Variants in ITGAV observed in about 807,000 individuals in gnomAD.
The protein encoded by ITGAV is integrin alpha-V.
In ITGAV, 76 loss-of-function variants were observed where a neutral mutation model predicts 143.8. The ratio of observed to expected loss-of-function variants is 0.53; its 90% confidence interval spans 0.44 to 0.64. The LOEUF is 0.64. Ranked by LOEUF, ITGAV falls within the 30% of genes least tolerant of loss-of-function variation. The pLI, the probability that ITGAV is intolerant of heterozygous loss-of-function variation, is 0.00. For synonymous variants in ITGAV, 453 were observed against 446.7 expected (o/e 1.01, Z -0.18); for missense variants, 1,193 against 1,274.7 (o/e 0.94, Z 0.98).
At position 186,590,542 on chromosome 2, in the gene ITGAV, A is replaced by G. The variant is rs1686587765; in HGVS notation, c.185+19A>G. On this transcript the variant is annotated intron_variant, in intron 1 of 29. Coordinates refer to ENST00000261023, the MANE Select transcript of ITGAV (RefSeq NM_002210.5). ...CGTCTTCGTAAGTGGCCGCACTTGGAACTGGAGCCGGCCCCCTCCCCCACC... is the reference window on the plus strand; with the variant it reads ...CGTCTTCGTAAGTGGCCGCACTTGGGACTGGAGCCGGCCCCCTCCCCCACC... 6 of 1,606,534 alleles carry G rather than the reference A, an allele frequency of 3.7e-6. No individual in the cohort carries two copies. Among genetic ancestry groups the G allele is most frequent in the Non-Finnish European group, 5.1e-6 (6 of 1,176,806 alleles).
chr2:186,596,622 C>A (rs1686756261), intron 1 of ITGAV, among the ~76,000 whole-genome samples: 1 of 152,022 alleles, frequency 6.6e-6, no homozygotes, highest in Non-Finnish European at 1.5e-5. Context: ...TGGTTTTGAA[C>A]CCCTGACCTT....
chr2:186,606,203 A>G (rs1188884572), intron 2 of ITGAV, among the ~76,000 whole-genome samples: 1 of 152,130 alleles, frequency 6.6e-6, no homozygotes, highest in Non-Finnish European at 1.5e-5. Flanking sequence ...TCTTAGCCCA[A>G]ACATATAAGC....
At chr2:186,609,273 C>T (rs780721991) in intron 2 of ITGAV, among the ~76,000 whole-genome samples, 6 of 152,116 alleles carry the variant, frequency 3.9e-5, no homozygotes, top group Non-Finnish European at 5.9e-5. Context: ...TTACCAGTGA[C>T]GTCCCTGGAT....
At chr2:186,594,987 AAT>A (rs1214626300) in intron 1 of ITGAV, among the ~76,000 whole-genome samples, 1 of 152,222 alleles carries the variant, frequency 6.6e-6, no homozygotes, top group Non-Finnish European at 1.5e-5. Flanking sequence ...GACAAGGGAA[AAT>A]ATGTGGAAAT....
intron 13 of ITGAV, 135 bp from the exon 14 acceptor site, chr2:186,649,705 A>T (rs547309413): frequency 3.3e-5 from 17 of 511,040 alleles, no homozygotes; most frequent in Non-Finnish European, 3.3e-5. Context: ...AGCCTTTTAT[A>T]TGATGTCTTA....
chr2:186,663,081 C>G (rs1688792096), intron 18 of ITGAV, among the ~76,000 whole-genome samples: 1 of 151,986 alleles, frequency 6.6e-6, no homozygotes, highest in Admixed American at 6.6e-5. Flanking sequence ...TTGGGTGTTT[C>G]CATTTTGCTC....
At chr2:186,601,649 A>T (rs1474256272) in intron 1 of ITGAV, among the ~76,000 whole-genome samples, 1 of 152,034 alleles carries the variant, frequency 6.6e-6, no homozygotes, top group Non-Finnish European at 1.5e-5. Context: ...ATGCACACAC[A>T]CACACACCAG....
intron 2 of ITGAV, among the ~76,000 whole-genome samples, chr2:186,611,689 T>C (rs1021526621): frequency 6.6e-6 from 1 of 152,178 alleles, no homozygotes; most frequent in African/African-American, 2.4e-5. Flanking sequence ...AACTGTGACG[T>C]TGGGCAAGCA....
At chr2:186,661,592 GT>G (rs1163934058) in intron 18 of ITGAV, among the ~76,000 whole-genome samples, 1 of 91,032 alleles carries the variant, frequency 1.1e-5, no homozygotes, top group Non-Finnish European at 2.0e-5. Flanking sequence ...AGTTTTTTTT[GT>G]TTTTGTTTTT....
In ITGAV at chr2:186,638,437, C is replaced by T. The variant is rs1688007960; in HGVS notation, c.875C>T (p.Ser292Phe). ...MVYIYDGKNM[S>F]SLYNFTGEQM... ...TATATTTATGATGGGAAGAACATGTCCTCCTTATACAATTTTACTGGCGAG... is the reference window on the plus strand; with the variant it reads ...TATATTTATGATGGGAAGAACATGTTCTCCTTATACAATTTTACTGGCGAG... The change falls in exon 10 of 30, where the codon TCC becomes TTC. Residue 292 changes from serine to phenylalanine, a missense_variant. Physicochemically the swap from Ser to Phe is radical, Grantham distance 155. Coordinates refer to ENST00000261023, the MANE Select transcript of ITGAV (RefSeq NM_002210.5). The T allele has an allele frequency of 6.2e-7, 1 of 1,611,304 alleles. No individual in the cohort carries two copies. Among genetic ancestry groups the T allele is most frequent in the Non-Finnish European group, 8.5e-7 (1 of 1,178,554 alleles).
intron 2 of ITGAV, among the ~76,000 whole-genome samples, chr2:186,621,515 T>C (rs1677811031): frequency 6.6e-6 from 1 of 152,188 alleles, no homozygotes; most frequent in African/African-American, 2.4e-5. Context: ...CCCAATAAAG[T>C]CCTTTGTAAC....
intron 10 of ITGAV, among the ~76,000 whole-genome samples, chr2:186,638,670 GTA>G (rs1553502368): frequency 0.014 from 1,859 of 136,274 alleles, 44 homozygotes; most frequent in African/African-American, 0.047. Flanking sequence ...GTGTGTGTGT[GTA>G]GTATATAAAC....
At position 186,656,322 on chromosome 2, in the gene ITGAV, G is replaced by C. The variant is rs1400788388; in HGVS notation, c.1640G>C (p.Arg547Thr). The C allele has an allele frequency of 1.0e-5, 16 of 1,583,562 alleles. No homozygotes were observed. The highest frequency in any genetic ancestry group is 1.3e-5 in the Non-Finnish European group (15 of 1,168,780). The change falls in exon 17 of 30, where the codon AGG becomes ACG. Residue 547 changes from arginine (R) to threonine (T), a missense_variant. Physicochemically the swap from Arg to Thr is moderately conservative, Grantham distance 71 (BLOSUM62 -1). Transcript: ENST00000261023. ...AIRRALFLYS[R>T]SPSHSKNMTI... The stretch of plus-strand genomic sequence containing the variant: ...CGACGAGCACTGTTTCTCTACAGCA[G>C]GTCCCCAAGTCACTCCAAGAACATG...
At chr2:186,676,510 A>G (rs1460802524) in intron 28 of ITGAV, among the ~76,000 whole-genome samples, 5 of 152,138 alleles carry the variant, frequency 3.3e-5, no homozygotes, top group Non-Finnish European at 7.4e-5. Flanking sequence ...AGGCTGAAGC[A>G]TGGAGGTTGC....
intron 17 of ITGAV, among the ~76,000 whole-genome samples, chr2:186,658,146 C>T (rs543723752): frequency 6.7e-4 from 102 of 152,070 alleles, no homozygotes; most frequent in African/African-American, 2.3e-3. Context: ...TGGATTTATC[C>T]TAGAGTGGGT....
chr2:186,603,719 G>T (rs561994100), intron 2 of ITGAV, among the ~76,000 whole-genome samples: 1 of 152,150 alleles, frequency 6.6e-6, no homozygotes, highest in Admixed American at 6.5e-5. Context: ...GTAGGTTTTT[G>T]TGCATTGCAA....
At chr2:186,630,042 A>G (rs1381673272) in intron 4 of ITGAV, among the ~76,000 whole-genome samples, 2 of 152,118 alleles carry the variant, frequency 1.3e-5, no homozygotes, top group Admixed American at 6.5e-5. Flanking sequence ...TGAAAGTATC[A>G]TTTAAAGATG....
In ITGAV at chr2:186,677,526, T is replaced by A; in HGVS notation, c.*234T>A. ...TTTTAGGTATTTAAATAATAAAATTTCAAGGGATAGTTTTTATTCAATGTA... is the reference window on the plus strand; with the variant it reads ...TTTTAGGTATTTAAATAATAAAATTACAAGGGATAGTTTTTATTCAATGTA... On this transcript the variant is annotated 3_prime_UTR_variant, in exon 30 of 30. Coordinates refer to ENST00000261023, the MANE Select transcript of ITGAV (RefSeq NM_002210.5). 2.4e-6 allele frequency: 1 copy of A among 411,472 alleles called. No homozygotes were observed. The highest frequency in any genetic ancestry group is 3.1e-5 in the South Asian group (1 of 31,960). 25.5% of individuals were successfully genotyped at this position (411,472 alleles called of 1,614,324 possible).
chr2:186,640,431 C>T (rs1688070025), intron 10 of ITGAV, among the ~76,000 whole-genome samples: 1 of 152,162 alleles, frequency 6.6e-6, no homozygotes, highest in Admixed American at 6.5e-5. Flanking sequence ...AGTAGTTACA[C>T]ATAGGGGAGC....
Sources: gnomAD v4.1 joint callset for allele counts (sites outside exome capture counted in the v4.1 genomes callset) on GRCh38, gnomAD v4.1.1 for gene constraint, MANE v1.5 for transcripts, NCBI Gene and HGNC (gene_info 2026-07-23, HGNC 2026-07-21) for gene names.